The following NELL2 variants were observed in gnomAD, a reference collection of about 807,000 sequenced individuals.
The protein encoded by NELL2 is protein kinase C-binding protein NELL2.
NELL2 carries 41 observed loss-of-function variants against 109.6 expected under a neutral mutation model. The observed-to-expected ratio is 0.37, with a 90% confidence interval of 0.29 to 0.49. The LOEUF (loss-of-function observed/expected upper bound fraction) is 0.49, where lower values mean the gene tolerates loss of function less well. NELL2 is among the 20% of genes least tolerant of loss of function. The pLI, the probability that NELL2 is intolerant of heterozygous loss-of-function variation, is 0.98. For synonymous variants in NELL2, 355 were observed against 344.7 expected (o/e 1.03, Z -0.33); for missense variants, 900 against 1,008.3 (o/e 0.89, Z 1.45).
chr12:44,876,541 A>G, upstream of NELL2: 4 of 1,441,964 alleles, frequency 2.8e-6, no homozygotes, highest in Non-Finnish European at 3.7e-6. Flanking sequence ...GGCAATGCCA[A>G]CCTCCTTTCG....
At chr12:44,880,948 C>T (rs1195158806), upstream of NELL2, 1 of 151,898 alleles carries the variant, frequency 6.6e-6, no homozygotes, top group African/African-American at 2.4e-5. Flanking sequence ...TAGTTGTAAG[C>T]ACCACTGCAC....
chr12:44,890,739 T>C (rs970724511), intron 1 of NELL2, among the ~76,000 whole-genome samples: 32 of 151,076 alleles, frequency 2.1e-4, no homozygotes, highest in African/African-American at 7.7e-4. Flanking sequence ...TATTTTATTT[T>C]ATTTTTTTTG....
At chr12:44,684,690 C>A (rs560275456) in intron 12 of NELL2, among the ~76,000 whole-genome samples, 3 of 152,040 alleles carry the variant, frequency 2.0e-5, no homozygotes, top group African/African-American at 4.8e-5. Flanking sequence ...CTAGTCATTC[C>A]GGAGCAGGTT....
At chr12:44,865,359 C>G (rs544684986) in intron 2 of NELL2, among the ~76,000 whole-genome samples, 1 of 144,406 alleles carries the variant, frequency 6.9e-6, no homozygotes, top group African/African-American at 2.6e-5. Context: ...AAGACACATG[C>G]ACACGTATGT....
chr12:44,597,495 T>C (rs1472411569), intron 15 of NELL2, among the ~76,000 whole-genome samples: 1 of 152,190 alleles, frequency 6.6e-6, no homozygotes, highest in Non-Finnish European at 1.5e-5. Context: ...ATAGGTTAAG[T>C]TTGCATTTTC....
At chr12:44,691,383 GA>G (rs1347898579) in intron 12 of NELL2, among the ~76,000 whole-genome samples, 1 of 152,140 alleles carries the variant, frequency 6.6e-6, no homozygotes, top group Non-Finnish European at 1.5e-5. Context: ...GCCCATACAA[GA>G]TGGCAAACTT....
At chr12:44,745,775 C>A (rs1019822570) in intron 9 of NELL2, among the ~76,000 whole-genome samples, 25 of 152,230 alleles carry the variant, frequency 1.6e-4, no homozygotes, top group African/African-American at 5.3e-4. Flanking sequence ...CAACTACAAA[C>A]CACTGCTCAA....
chr12:44,513,771 C>T (rs548844380), intron 19 of NELL2, among the ~76,000 whole-genome samples: 21 of 151,900 alleles, frequency 1.4e-4, no homozygotes, highest in Non-Finnish European at 2.7e-4. Flanking sequence ...ACTTTAGTGA[C>T]CTTTAGGATA....
intron 15 of NELL2, among the ~76,000 whole-genome samples, chr12:44,577,638 G>A (rs866515055): frequency 3.3e-5 from 5 of 151,490 alleles, no homozygotes; most frequent in South Asian, 2.1e-4. Context: ...CACCATGCCC[G>A]GCTAATTTTT....
At chr12:44,649,993 T>C (rs1236622061) in intron 13 of NELL2, among the ~76,000 whole-genome samples, 2 of 152,112 alleles carry the variant, frequency 1.3e-5, no homozygotes, top group Admixed American at 1.3e-4. Flanking sequence ...GGAAGCTGAA[T>C]AAAATAAAAA....
intron 9 of NELL2, among the ~76,000 whole-genome samples, chr12:44,768,159 A>G (rs893123229): frequency 2.6e-5 from 4 of 152,170 alleles, no homozygotes; most frequent in Non-Finnish European, 5.9e-5. Context: ...TCATTAAAAT[A>G]TATCACATGC....
At chr12:44,635,260 T>C (rs1946594916) in intron 13 of NELL2, among the ~76,000 whole-genome samples, 1 of 152,202 alleles carries the variant, frequency 6.6e-6, no homozygotes, top group African/African-American at 2.4e-5. Flanking sequence ...ATAGTTTCTT[T>C]TGCTGTGCAG....
chr12:44,886,890 C>T (rs574355210), intron 1 of NELL2, among the ~76,000 whole-genome samples: 1 of 151,942 alleles, frequency 6.6e-6, no homozygotes, highest in East Asian at 1.9e-4. Context: ...TTTTAGCTCC[C>T]ATATATGAGT....
At chr12:44,767,612 A>G (rs1022797374) in intron 9 of NELL2, among the ~76,000 whole-genome samples, 1 of 152,238 alleles carries the variant, frequency 6.6e-6, no homozygotes, top group African/African-American at 2.4e-5. Context: ...CAAATGTATA[A>G]ATTAGTTAGA....
chr12:44,665,160 T>A (rs971723370), intron 13 of NELL2, among the ~76,000 whole-genome samples: 1 of 152,244 alleles, frequency 6.6e-6, no homozygotes. Context: ...AAATCTATCA[T>A]CATATATCAT....
intron 3 of NELL2, among the ~76,000 whole-genome samples, chr12:44,781,926 A>T (rs186569556): frequency 2.6e-5 from 4 of 152,144 alleles, no homozygotes; most frequent in East Asian, 3.9e-4. Flanking sequence ...AGAAAGAAAA[A>T]TATAAAATAA....
chr12:44,813,853 A>G (rs1051984447), intron 3 of NELL2, among the ~76,000 whole-genome samples: 1 of 152,244 alleles, frequency 6.6e-6, no homozygotes, highest in Non-Finnish European at 1.5e-5. Context: ...TATAACTTTA[A>G]TAAATCTACC....
intron 13 of NELL2, among the ~76,000 whole-genome samples, chr12:44,640,180 G>C (rs1348483564): frequency 6.6e-6 from 1 of 152,098 alleles, no homozygotes; most frequent in Non-Finnish European, 1.5e-5. Context: ...TGTGTTTTAA[G>C]ACCTTTCAAA....
chr12:44,559,471 G>A lies in NELL2; in HGVS notation c.1664-26750C>T, dbSNP rs568774627. Among the ~76,000 whole-genome samples, 6 of 152,246 alleles carry A rather than the reference G, an allele frequency of 3.9e-5. No homozygotes were observed. In the East Asian group the frequency reaches 1.2e-3, roughly 29 times the overall value. ...AAGACACCCATAGCCTCAACATAAA[G>A]GGATGGAGGAATATTTACCAAACAA... is the stretch of plus-strand genomic sequence containing the variant. On this transcript the variant is annotated intron_variant, in intron 15 of 19. Transcript: ENST00000429094.
Sources: allele counts gnomAD v4.1 joint callset (sites outside exome capture counted in the v4.1 genomes callset), GRCh38; gene constraint gnomAD v4.1.1; transcripts MANE v1.5; gene names NCBI Gene and HGNC (gene_info 2026-07-23, HGNC 2026-07-21).